The following SFI1 variants were observed in gnomAD, a reference collection of about 807,000 sequenced individuals.
The protein encoded by SFI1 is SFI1 centrin binding protein.
In SFI1, 195 loss-of-function variants were observed where a neutral mutation model predicts 207.5. The observed-to-expected ratio is 0.94, with a 90% CI of 0.84 to 1.06. The LOEUF (loss-of-function observed/expected upper bound fraction) is 1.06. Among genes scored for constraint, SFI1 ranks in the 50% least tolerant of loss-of-function variants. The probability of loss-of-function intolerance (pLI) is 0.00; values close to 1 mark genes in which losing one functional copy is unlikely to be tolerated. For synonymous variants in SFI1, 630 were observed against 598.9 expected (o/e 1.05, Z -0.76); for missense variants, 1,634 against 1,588.0 (o/e 1.03, Z -0.49).
intron 20 of SFI1, 176 bp from the exon 21 acceptor site, chr22:31,606,152 G>A: frequency 1.6e-6 from 1 of 629,298 alleles, no homozygotes; most frequent in Non-Finnish European, 2.8e-6. Context: ...CAGCTGCTCA[G>A]TAGCCATTTG....
intron 15 of SFI1, among the ~76,000 whole-genome samples, chr22:31,599,106 T>C (rs1442659990): frequency 6.6e-6 from 1 of 151,354 alleles, no homozygotes; most frequent in Non-Finnish European, 1.5e-5. Flanking sequence ...TTATCCTTTT[T>C]TTTTATGGTT....
At chr22:31,573,626 T>C (rs2063178817) in intron 9 of SFI1, among the ~76,000 whole-genome samples, 1 of 151,942 alleles carries the variant, frequency 6.6e-6, no homozygotes, top group African/African-American at 2.4e-5. Context: ...TTAGTAAAGA[T>C]GGGGTTTCAT....
At chr22:31,499,105 G>A (rs1033519069) in intron 1 of SFI1, among the ~76,000 whole-genome samples, 1 of 152,104 alleles carries the variant, frequency 6.6e-6, no homozygotes, top group East Asian at 1.9e-4. Context: ...ACTTCTAGGC[G>A]AAAGTGATCC....
chr22:31,592,931 G>A (rs961960410), intron 15 of SFI1, among the ~76,000 whole-genome samples: 2 of 119,554 alleles, frequency 1.7e-5, no homozygotes, highest in African/African-American at 7.1e-5. Flanking sequence ...AGTAGGGGCG[G>A]CCGGGCAGAG....
chr22:31,504,357 G>A (rs1317858158), intron 1 of SFI1, among the ~76,000 whole-genome samples: 5 of 152,194 alleles, frequency 3.3e-5, no homozygotes, highest in Admixed American at 3.3e-4. Flanking sequence ...TCGGTTTGAT[G>A]TAAGTAAGGA....
chr22:31,551,001 C>G (rs1181931266), intron 6 of SFI1, among the ~76,000 whole-genome samples: 2 of 152,174 alleles, frequency 1.3e-5, no homozygotes, highest in Admixed American at 1.3e-4. Flanking sequence ...GGAATGGTGT[C>G]CATTCCTCAT....
intron 3 of SFI1, among the ~76,000 whole-genome samples, chr22:31,529,495 C>T (rs1449183969): frequency 6.6e-6 from 1 of 152,194 alleles, no homozygotes. Context: ...CACTGCCCTC[C>T]AGCCTGGGCG....
At chr22:31,502,884 C>T (rs999130875) in intron 1 of SFI1, among the ~76,000 whole-genome samples, 15 of 151,880 alleles carry the variant, frequency 9.9e-5, no homozygotes, top group African/African-American at 3.1e-4. Context: ...GAGGCTGAGG[C>T]GGGCAGATCA....
intron 6 of SFI1, among the ~76,000 whole-genome samples, chr22:31,553,125 A>G (rs780064881): frequency 6.6e-6 from 1 of 152,152 alleles, no homozygotes; most frequent in African/African-American, 2.4e-5. Flanking sequence ...TTACAAGCAT[A>G]AGCCACTGCA....
chr22:31,594,274 G>T (rs2066704446), intron 15 of SFI1, among the ~76,000 whole-genome samples: 1 of 152,120 alleles, frequency 6.6e-6, no homozygotes, highest in South Asian at 2.1e-4. Flanking sequence ...GTCGGGCCGG[G>T]TGCAGTGGCT....
At chr22:31,499,726 A>G (rs2146308225) in intron 1 of SFI1, among the ~76,000 whole-genome samples, 1 of 152,204 alleles carries the variant, frequency 6.6e-6, no homozygotes. Flanking sequence ...GTCTTATTTT[A>G]AGAAATTGTC....
At chr22:31,526,465 C>G (rs1301664201) in intron 2 of SFI1, among the ~76,000 whole-genome samples, 4 of 152,308 alleles carry the variant, frequency 2.6e-5, no homozygotes, top group Non-Finnish European at 4.4e-5. Context: ...ATAATCTAAT[C>G]ACCTTCCATG....
At chr22:31,604,129 G>T (rs527943452) in intron 18 of SFI1, among the ~76,000 whole-genome samples, 180 bp from the exon 19 acceptor site, 2 of 152,072 alleles carry the variant, frequency 1.3e-5, no homozygotes, top group Admixed American at 1.3e-4. Flanking sequence ...AGCTTTTACC[G>T]CAAATCAAGC....
chr22:31,588,939 T>C (rs1023023862), intron 14 of SFI1, among the ~76,000 whole-genome samples: 2 of 152,250 alleles, frequency 1.3e-5, no homozygotes, highest in Non-Finnish European at 2.9e-5. Flanking sequence ...GTCCATTGTC[T>C]GTCTTCCTAC....
chr22:31,563,492 CCTTT>C (rs770892558), intron 8 of SFI1, among the ~76,000 whole-genome samples: 48 of 152,254 alleles, frequency 3.2e-4, no homozygotes, highest in East Asian at 2.7e-3. Flanking sequence ...AGTTTTCTTC[CCTTT>C]CTAAGAGCCA....
intron 2 of SFI1, among the ~76,000 whole-genome samples, chr22:31,526,554 A>G (rs568148556): frequency 6.6e-6 from 1 of 152,266 alleles, no homozygotes; most frequent in African/African-American, 2.4e-5. Flanking sequence ...GCTAAACCAT[A>G]TCAATACCTA....
intron 6 of SFI1, among the ~76,000 whole-genome samples, chr22:31,551,834 T>C (rs1259785553): frequency 6.6e-6 from 1 of 152,240 alleles, no homozygotes; most frequent in Non-Finnish European, 1.5e-5. Context: ...CTGCATCCTC[T>C]TGACCTCTTT....
At chr22:31,618,042 T>A in intron 31 of SFI1, 73 bp from the exon 32 acceptor site, 3 of 1,475,314 alleles carry the variant, frequency 2.0e-6, no homozygotes, top group Non-Finnish European at 2.7e-6. Context: ...TTAGCTGAGG[T>A]GCCTCTCCCT....
rs545421574 is a variant in SFI1, at chr22:31,610,688, G to A, written c.2255-455G>A. Among the ~76,000 whole-genome samples, 13 of 152,312 alleles carry A rather than the reference G, an allele frequency of 8.5e-5. No individual in the cohort carries two copies. The East Asian group carries it at 2.3e-3, about 27-fold the overall frequency. ...CGCTGTCCTCCCCATCCGTGGCTTG[G>A]GCTGCTCTGACTGCTGTGACTGGGC... is the stretch of plus-strand genomic sequence containing the variant. On this transcript the variant is annotated intron_variant, in intron 22 of 32. Coordinates refer to ENST00000400288, the MANE Select transcript of SFI1 (RefSeq NM_001007467.3).
Sources: gnomAD v4.1 joint callset for allele counts (sites outside exome capture counted in the v4.1 genomes callset) on GRCh38, gnomAD v4.1.1 for gene constraint, MANE v1.5 for transcripts, NCBI Gene and HGNC (gene_info 2026-07-23, HGNC 2026-07-21) for gene names.